Variants in R3HCC1L observed in about 807,000 individuals in gnomAD.
R3HCC1L encodes the protein coiled-coil domain-containing protein R3HCC1L.
A neutral mutation model predicts 59.9 loss-of-function variants in R3HCC1L; 51 were observed. That is an observed-to-expected ratio of 0.85 (90% CI 0.68 to 1.07). The LOEUF is 1.07. R3HCC1L is among the 50% of genes least tolerant of loss of function. The pLI is 0.00. For missense variants in R3HCC1L, 965 were observed against 933.0 expected, an observed-to-expected ratio of 1.03 and a Z score of -0.45; for synonymous variants, 322 against 315.2, an observed-to-expected ratio of 1.02 and a Z score of -0.23.
chr10:98,174,642 C>A, intron 4 of R3HCC1L: 1 of 985,292 alleles, frequency 1.0e-6, no homozygotes, highest in African/African-American at 1.7e-5. Context: ...GAGGGCATTT[C>A]AGAAGTTGGA....
chr10:98,217,701 GT>G (rs1350569625), intron 5 of R3HCC1L, among the ~76,000 whole-genome samples: 2 of 152,028 alleles, frequency 1.3e-5, no homozygotes, highest in Non-Finnish European at 2.9e-5. Flanking sequence ...TTTCATCAGT[GT>G]TTTATAGTTT....
At position 98,173,114 on chromosome 10, in the gene R3HCC1L, G is replaced by T. The variant is rs183688904; in HGVS notation, c.-15+9717G>T. Among the ~76,000 whole-genome samples the T allele has an allele frequency of 1.6e-3, 242 of 152,178 alleles. 2 individuals carry two copies. The highest frequency in any genetic ancestry group is 5.3e-3 in the African/African-American group (220 of 41,502). The stretch of plus-strand genomic sequence containing the variant: ...CTCTTATTTCTTTCTTCTCTCTTTG[G>T]TGGTGCTAATATGAAAGGAAAGAAA... On this transcript the variant is annotated intron_variant, in intron 4 of 9. Coordinates refer to ENST00000298999, the MANE Select transcript of R3HCC1L (RefSeq NM_001351015.2).
In R3HCC1L at chr10:98,228,088, T is replaced by C. The variant is rs368641813; in HGVS notation, c.1786-3424T>C. Among the ~76,000 whole-genome samples, 5 of 152,308 alleles carry C rather than the reference T, an allele frequency of 3.3e-5. No homozygotes were observed. The South Asian group carries it at 1.0e-3, about 32-fold the overall frequency. On this transcript the variant is annotated intron_variant, in intron 5 of 9. Transcript: ENST00000298999. ...GCAGCATGATTTATAATCCTTTGGG[T>C]ATATACCCAGTAATGGGATGGCTGG...
At chr10:98,192,394 T>G (rs552647107) in intron 4 of R3HCC1L, among the ~76,000 whole-genome samples, 1 of 152,124 alleles carries the variant, frequency 6.6e-6, no homozygotes, top group Admixed American at 6.5e-5. Flanking sequence ...ATCAATAAAA[T>G]TGACAAACCC....
intron 7 of R3HCC1L, 102 bp from the exon 8 acceptor site, chr10:98,235,322 GA>G (rs897427632): frequency 4.1e-5 from 40 of 978,034 alleles, no homozygotes; most frequent in Middle Eastern, 2.1e-4. Context: ...TGCTTGCTTT[GA>G]AAAAAAAGCA....
At chr10:98,172,065 C>T (rs563642481) in intron 4 of R3HCC1L, among the ~76,000 whole-genome samples, 2 of 152,188 alleles carry the variant, frequency 1.3e-5, no homozygotes, top group South Asian at 4.2e-4. Context: ...AATCGCTATC[C>T]TTGGTGTTGG....
intron 1 of R3HCC1L, among the ~76,000 whole-genome samples, chr10:98,144,898 A>G (rs980011660): frequency 7.2e-5 from 11 of 152,328 alleles, no homozygotes; most frequent in African/African-American, 2.6e-4. Context: ...GACAGAAGAA[A>G]ACTCTGGAGG....
At chr10:98,135,175 C>A (rs938161882) in intron 1 of R3HCC1L, among the ~76,000 whole-genome samples, 1 of 152,216 alleles carries the variant, frequency 6.6e-6, no homozygotes, top group African/African-American at 2.4e-5. Flanking sequence ...AGTGAGCAAT[C>A]TATAAAGGAG....
At chr10:98,137,765 A>G (rs1307548656) in intron 1 of R3HCC1L, among the ~76,000 whole-genome samples, 1 of 152,212 alleles carries the variant, frequency 6.6e-6, no homozygotes, top group Non-Finnish European at 1.5e-5. Context: ...TTCATTTACA[A>G]CCTGTAGTAA....
Position 98,209,271 on chromosome 10 carries a change from G to T in R3HCC1L, c.1157G>T (p.Ser386Ile). The change falls in exon 5 of 10, where the codon AGT becomes ATT. Residue 386 changes from serine to isoleucine, a missense_variant. By Grantham distance (142) the Ser-to-Ile change is moderately radical. Coordinates refer to ENST00000298999, the MANE Select transcript of R3HCC1L (RefSeq NM_001351015.2). ...ATGGACACTACAGGTATGTCCTGTA[G>T]TGATCATGTAACTGTTGATAGCCCT... Reference protein sequence around the residue: ...CMMDTTGMSCSDHVTVDSPYV... With the variant: ...CMMDTTGMSCIDHVTVDSPYV... 6.2e-7 allele frequency: 1 copy of T among 1,613,940 alleles called. No homozygotes were observed.
rs551701150 is a variant in R3HCC1L at position 98,225,580 on chromosome 10, T to C, written c.1786-5932T>C. Among the ~76,000 whole-genome samples the C allele has an allele frequency of 7.2e-5, 11 of 152,352 alleles. No homozygotes were observed. In the South Asian group the frequency reaches 2.3e-3, roughly 32 times the overall value. ...TCTAGGAAAAGTTAGGAATCTCTGA[T>C]GATTGTGGATTCTGAGTGATACAGG... On this transcript the variant is annotated intron_variant, in intron 5 of 9. Transcript: ENST00000298999.
intron 1 of R3HCC1L, among the ~76,000 whole-genome samples, chr10:98,145,595 CAAAT>C (rs1845573586): frequency 6.6e-6 from 1 of 152,210 alleles, no homozygotes. Flanking sequence ...TTTATTCTAG[CAAAT>C]AAATGTTCTT....
chr10:98,182,958 G>T (rs1426882693), intron 4 of R3HCC1L, among the ~76,000 whole-genome samples: 1 of 152,168 alleles, frequency 6.6e-6, no homozygotes, highest in Non-Finnish European at 1.5e-5. Flanking sequence ...GCTTCCCTTG[G>T]CTAGGAAAGG....
chr10:98,160,223 T>C (rs1847272239), intron 2 of R3HCC1L, among the ~76,000 whole-genome samples: 1 of 152,218 alleles, frequency 6.6e-6, no homozygotes, highest in East Asian at 1.9e-4. Flanking sequence ...TGTTTGTTTA[T>C]AGTGTTTTTC....
rs1428629821 is a variant in R3HCC1L at position 98,244,088 on chromosome 10, C to T, written c.2270-3C>T. On this transcript the variant is annotated splice_polypyrimidine_tract_variant and splice_region_variant and intron_variant, in intron 9 of 9. Transcript: ENST00000298999. ...CTGTGGTTAATACTGCTCTTATTTA[C>T]AGAGAGAAAGCGGTTGGAAGCCAAG... The T allele has an allele frequency of 1.2e-6, 2 of 1,613,674 alleles. No homozygotes were observed. The highest frequency in any genetic ancestry group is 1.7e-6 in the Non-Finnish European group (2 of 1,179,712).
chr10:98,235,287 C>T (rs545112342), intron 7 of R3HCC1L, 138 bp from the exon 8 acceptor site: 22 of 698,480 alleles, frequency 3.1e-5, no homozygotes, highest in South Asian at 2.4e-4. Context: ...ATTACTGCCA[C>T]GTTGATCTTT....
chr10:98,230,648 A>G (rs1469757613), intron 5 of R3HCC1L, among the ~76,000 whole-genome samples: 1 of 151,926 alleles, frequency 6.6e-6, no homozygotes, highest in African/African-American at 2.4e-5. Flanking sequence ...TTGCTTCTCT[A>G]GTTCTTTTAA....
At chr10:98,226,794 G>A (rs1855720509) in intron 5 of R3HCC1L, among the ~76,000 whole-genome samples, 1 of 152,010 alleles carries the variant, frequency 6.6e-6, no homozygotes, top group Non-Finnish European at 1.5e-5. Flanking sequence ...TACTCTAGAC[G>A]TTTAAGAATT....
rs192146424 is a variant in R3HCC1L, at chr10:98,170,908, T to C, written c.-15+7511T>C. 2.4e-4 allele frequency among the ~76,000 whole-genome samples: 37 copies of C among 152,362 alleles called. 1 individual carries two copies. In the East Asian group the frequency reaches 6.7e-3, roughly 28 times the overall value. On this transcript the variant is annotated intron_variant, in intron 4 of 9. Coordinates refer to ENST00000298999, the MANE Select transcript of R3HCC1L (RefSeq NM_001351015.2). The stretch of plus-strand genomic sequence containing the variant: ...TACTAAAGAAAGGAGAAGAAAGGAA[T>C]AGAGGTATCTAATTGTCAGCTATTC...
Sources: allele counts gnomAD v4.1 joint callset (sites outside exome capture counted in the v4.1 genomes callset), GRCh38; gene constraint gnomAD v4.1.1; transcripts MANE v1.5; gene names NCBI Gene and HGNC (gene_info 2026-07-23, HGNC 2026-07-21).